Variants in SCAPER observed in about 807,000 individuals in gnomAD.
SCAPER encodes the protein S phase cyclin A-associated protein in the endoplasmic reticulum.
Under a neutral mutation model 182.2 loss-of-function variants are expected in SCAPER, and 98 were observed. The ratio of observed to expected loss-of-function variants is 0.54; its 90% CI spans 0.46 to 0.64. The LOEUF is 0.64. SCAPER is among the 30% of genes least tolerant of loss of function. The pLI, the probability that SCAPER is intolerant of heterozygous loss-of-function variation, is 0.00. For synonymous variants in SCAPER, 605 were observed against 564.6 expected, an observed-to-expected ratio of 1.07 and a Z score of -1.01; for missense variants, 1,432 against 1,690.0, an observed-to-expected ratio of 0.85 and a Z score of 2.68.
At chr15:76,652,367 CACACATATATATATATATAT>C (rs1166236041) in intron 21 of SCAPER, among the ~76,000 whole-genome samples, 3 of 23,862 alleles carry the variant, frequency 1.3e-4, no homozygotes, top group African/African-American at 4.6e-4. Flanking sequence ...CACACACACA[CACACATATATATATATATAT>C]ATATATATAT....
At chr15:76,402,945 C>T (rs1029501725) in intron 27 of SCAPER, among the ~76,000 whole-genome samples, 5 of 152,004 alleles carry the variant, frequency 3.3e-5, no homozygotes, top group Admixed American at 1.3e-4. Flanking sequence ...ACTGAATCTG[C>T]GTGTAAGTGA....
At position 76,374,739 on chromosome 15, in the gene SCAPER, G is replaced by A. The variant is rs554516238; in HGVS notation, c.3855+1423C>T. ...TGACCTCAGGTGATCCACCTGCCTCGGCTTCCCAAAGTGCAGGGATTATAG... is the reference window on the plus strand; with the variant it reads ...TGACCTCAGGTGATCCACCTGCCTCAGCTTCCCAAAGTGCAGGGATTATAG... On this transcript the variant is annotated intron_variant, in intron 29 of 31. Transcript: ENST00000563290. Among the ~76,000 whole-genome samples the A allele has an allele frequency of 4.6e-5, 7 of 151,692 alleles. 1 individual carries two copies. Among genetic ancestry groups the A allele is most frequent in the South Asian group, 2.1e-4 (1 of 4,798 alleles).
intron 21 of SCAPER, among the ~76,000 whole-genome samples, chr15:76,653,101 A>G (rs1214977169): frequency 1.3e-5 from 2 of 152,166 alleles, no homozygotes; most frequent in African/African-American, 2.4e-5. Context: ...AATCAAGAAC[A>G]CAATCTCATT....
intron 22 of SCAPER, among the ~76,000 whole-genome samples, chr15:76,578,480 A>G (rs1436651850): frequency 6.6e-6 from 1 of 152,226 alleles, no homozygotes; most frequent in Non-Finnish European, 1.5e-5. Context: ...GTCAACCCTC[A>G]TCCAGCTGCA....
At chr15:76,838,846 G>A (rs917831068) in intron 5 of SCAPER, among the ~76,000 whole-genome samples, 4 of 152,056 alleles carry the variant, frequency 2.6e-5, no homozygotes, top group African/African-American at 4.8e-5. Flanking sequence ...CTCCCCTTCC[G>A]GCAGCCACAC....
At position 76,694,072 on chromosome 15, in the gene SCAPER, GT is replaced by G. The variant is rs563482533; in HGVS notation, c.2508+7685del. 2.0e-3 allele frequency among the ~76,000 whole-genome samples: 284 copies of G among 144,880 alleles called. 1 individual carries two copies. Among genetic ancestry groups the G allele is most frequent in the Middle Eastern group, 3.6e-3 (1 of 280 alleles). On this transcript the variant is annotated intron_variant, in intron 20 of 31. Transcript: ENST00000563290. ...TCTCAGGATTGCTGTGGCTACTCAG[GT>G]TTTTTTTTTTGTGATTCCATACAAA...
intron 2 of SCAPER, among the ~76,000 whole-genome samples, chr15:76,865,187 C>T (rs996150804): frequency 6.6e-6 from 1 of 152,024 alleles, no homozygotes; most frequent in Non-Finnish European, 1.5e-5. Flanking sequence ...GCTCTGCAAA[C>T]CCCAAAGAGG....
intron 4 of SCAPER, among the ~76,000 whole-genome samples, chr15:76,857,427 T>C (rs913013730): frequency 6.7e-6 from 1 of 148,620 alleles, no homozygotes; most frequent in Non-Finnish European, 1.5e-5. Flanking sequence ...GATGAGACTG[T>C]CTCAAAGAAA....
At chr15:76,550,510 C>T (rs760329588) in intron 23 of SCAPER, among the ~76,000 whole-genome samples, 1 of 152,178 alleles carries the variant, frequency 6.6e-6, no homozygotes, top group Non-Finnish European at 1.5e-5. Context: ...CATGTCCCTG[C>T]AAAGGACATG....
intron 23 of SCAPER, 115 bp from the exon 24 acceptor site, chr15:76,505,089 T>A (rs1190758395): frequency 1.3e-6 from 1 of 749,586 alleles, no homozygotes; most frequent in African/African-American, 1.8e-5. Flanking sequence ...AATATTATTT[T>A]ATAAATATTT....
At chr15:76,718,795 T>C (rs754302249) in intron 17 of SCAPER, among the ~76,000 whole-genome samples, 2 of 152,138 alleles carry the variant, frequency 1.3e-5, no homozygotes, top group African/African-American at 2.4e-5. Context: ...AGTAGATATA[T>C]GGAAAGGTGA....
At chr15:76,576,881 A>T (rs79890594) in intron 22 of SCAPER, 2 of 152,224 alleles carry the variant, frequency 1.3e-5, no homozygotes, top group African/African-American at 4.8e-5. Context: ...GGAATCGCCC[A>T]TCCTAGCACT....
chr15:76,676,507 G>A (rs1443775089), intron 20 of SCAPER, among the ~76,000 whole-genome samples: 2 of 152,058 alleles, frequency 1.3e-5, no homozygotes, highest in African/African-American at 4.8e-5. Flanking sequence ...TCAAAAAAAG[G>A]TACTTTAAAT....
intron 5 of SCAPER, among the ~76,000 whole-genome samples, chr15:76,814,278 C>G (rs1364089736): frequency 6.6e-6 from 1 of 152,020 alleles, no homozygotes; most frequent in Non-Finnish European, 1.5e-5. Flanking sequence ...TTGTATGGAA[C>G]TACAAAAAAC....
intron 21 of SCAPER, among the ~76,000 whole-genome samples, chr15:76,639,803 A>G (rs2053954606): frequency 6.6e-6 from 1 of 152,078 alleles, no homozygotes; most frequent in African/African-American, 2.4e-5. Context: ...TATACCACTT[A>G]AAAGTTGTGT....
intron 17 of SCAPER, among the ~76,000 whole-genome samples, chr15:76,716,064 T>C (rs1243241346): frequency 6.6e-6 from 1 of 151,974 alleles, no homozygotes; most frequent in East Asian, 1.9e-4. Context: ...AGAGATCCCC[T>C]CAATGAAGAT....
chr15:76,519,557 G>C (rs536286228), intron 23 of SCAPER, among the ~76,000 whole-genome samples: 5 of 152,308 alleles, frequency 3.3e-5, no homozygotes, highest in African/African-American at 1.2e-4. Flanking sequence ...ACTAGACTAT[G>C]AGCTCCTTAT....
At chr15:76,893,744 G>A (rs2074281489) in intron 1 of SCAPER, among the ~76,000 whole-genome samples, 1 of 152,096 alleles carries the variant, frequency 6.6e-6, no homozygotes, top group South Asian at 2.1e-4. Flanking sequence ...ATGGTATAAA[G>A]CTAGAAATAA....
At chr15:76,683,225 A>T (rs1296800021) in intron 20 of SCAPER, among the ~76,000 whole-genome samples, 1 of 152,200 alleles carries the variant, frequency 6.6e-6, no homozygotes. Flanking sequence ...GATCTGATAG[A>T]GCTGAAAAAC....
Sources: allele counts gnomAD v4.1 joint callset (sites outside exome capture counted in the v4.1 genomes callset), GRCh38; gene constraint gnomAD v4.1.1; transcripts MANE v1.5; gene names NCBI Gene and HGNC (gene_info 2026-07-23, HGNC 2026-07-21).